The following GALNTL6 variants were observed in gnomAD, a reference collection of about 807,000 sequenced individuals.
The protein encoded by GALNTL6 is polypeptide N-acetylgalactosaminyltransferase-like 6.
Under a neutral mutation model 73.7 loss-of-function variants are expected in GALNTL6, and 46 were observed. The ratio of observed to expected loss-of-function variants is 0.62; its 90% CI spans 0.49 to 0.80. The LOEUF (loss-of-function observed/expected upper bound fraction) is 0.80. GALNTL6 is among the 30% of genes least tolerant of loss of function. GALNTL6 has a pLI of 0.00. For missense variants in GALNTL6, 604 were observed against 755.0 expected, an observed-to-expected ratio of 0.80 and a Z score of 2.34; for synonymous variants, 259 against 263.7, an observed-to-expected ratio of 0.98 and a Z score of 0.17.
intron 5 of GALNTL6, among the ~76,000 whole-genome samples, chr4:172,645,784 T>C (rs1316277242): frequency 4.6e-5 from 7 of 151,982 alleles, no homozygotes; most frequent in Admixed American, 4.6e-4. Flanking sequence ...GTCATGAAGA[T>C]GTATGATTAA....
intron 5 of GALNTL6, among the ~76,000 whole-genome samples, chr4:172,588,734 A>G (rs1300320794): frequency 6.6e-6 from 1 of 152,148 alleles, no homozygotes; most frequent in African/African-American, 2.4e-5. Context: ...AGTTTAAAAG[A>G]CTGAAGTCCA....
At chr4:172,182,688 C>T (rs560678919) in intron 2 of GALNTL6, among the ~76,000 whole-genome samples, 1 of 151,626 alleles carries the variant, frequency 6.6e-6, no homozygotes, top group African/African-American at 2.4e-5. Flanking sequence ...AAGGAAGTGC[C>T]ACAAAATTTA....
At chr4:172,203,395 G>A (rs1428178450) in intron 2 of GALNTL6, among the ~76,000 whole-genome samples, 2 of 152,054 alleles carry the variant, frequency 1.3e-5, no homozygotes, top group South Asian at 2.1e-4. Context: ...GTGTCTTTAA[G>A]GTTTTCAGTA....
At position 172,424,702 on chromosome 4, in the gene GALNTL6, G is replaced by C. The variant is rs1001846751; in HGVS notation, c.553+76013G>C. Among the ~76,000 whole-genome samples the C allele has an allele frequency of 8.6e-5, 13 of 151,922 alleles. 1 individual carries two copies. Among genetic ancestry groups the C allele is most frequent in the Admixed American group, 3.9e-4 (6 of 15,214 alleles). The stretch of plus-strand genomic sequence containing the variant: ...TTGCCCTGATATCAATATCCAACTG[G>C]CAGAGAAGCAAAGAAAGGTTTTTAT... On this transcript the variant is annotated intron_variant, in intron 5 of 12. Coordinates refer to ENST00000506823, the MANE Select transcript of GALNTL6 (RefSeq NM_001034845.3).
At chr4:172,219,388 G>C (rs1233676319) in intron 2 of GALNTL6, among the ~76,000 whole-genome samples, 1 of 151,132 alleles carries the variant, frequency 6.6e-6, no homozygotes, top group Non-Finnish European at 1.5e-5. Context: ...TTTGTTTTAT[G>C]ACCAAATGCC....
chr4:171,841,740 T>C (rs1319481284), intron 2 of GALNTL6, among the ~76,000 whole-genome samples: 3 of 152,006 alleles, frequency 2.0e-5, no homozygotes, highest in Non-Finnish European at 4.4e-5. Context: ...GTATGTAAAA[T>C]GGTTAATTCC....
intron 10 of GALNTL6, among the ~76,000 whole-genome samples, chr4:172,957,633 G>A (rs138505201): frequency 0.022 from 3,385 of 152,284 alleles, 48 homozygotes; most frequent in African/African-American, 0.026. Flanking sequence ...TTTGAGAAGC[G>A]TTTTTATTAA....
intron 2 of GALNTL6, chr4:172,052,378 C>T: frequency 8.2e-7 from 1 of 1,226,662 alleles, no homozygotes; most frequent in Non-Finnish European, 1.1e-6. Flanking sequence ...CTATGCACAC[C>T]TTCACATCCT....
At chr4:172,167,775 G>A (rs1264062068) in intron 2 of GALNTL6, among the ~76,000 whole-genome samples, 1 of 146,838 alleles carries the variant, frequency 6.8e-6, no homozygotes, top group African/African-American at 2.6e-5. Flanking sequence ...TGGCTAACAA[G>A]GTGAAACCCC....
intron 2 of GALNTL6, among the ~76,000 whole-genome samples, chr4:172,093,739 C>T (rs1201896359): frequency 1.3e-5 from 2 of 152,172 alleles, no homozygotes; most frequent in Non-Finnish European, 2.9e-5. Flanking sequence ...CTTGCACTCT[C>T]CTTGTGAGAA....
intron 2 of GALNTL6, among the ~76,000 whole-genome samples, chr4:172,011,995 T>G (rs904697313): frequency 6.6e-6 from 1 of 152,098 alleles, no homozygotes; most frequent in African/African-American, 2.4e-5. Flanking sequence ...AGTGCAAGCC[T>G]GCTTATTGAT....
chr4:172,835,364 G>A (rs1224622139), intron 7 of GALNTL6, among the ~76,000 whole-genome samples: 1 of 152,258 alleles, frequency 6.6e-6, no homozygotes, highest in Non-Finnish European at 1.5e-5. Flanking sequence ...AAAGGTGGAG[G>A]AAGATGAAGC....
chr4:172,658,175 A>ATCTTTGT (rs1731168607), intron 5 of GALNTL6, among the ~76,000 whole-genome samples: 1 of 126,322 alleles, frequency 7.9e-6, no homozygotes, highest in East Asian at 2.4e-4. Context: ...AAAAAGAAAT[A>ATCTTTGT]TCTTTGTGGG....
At chr4:171,998,346 T>G (rs1169243060) in intron 2 of GALNTL6, among the ~76,000 whole-genome samples, 1 of 152,150 alleles carries the variant, frequency 6.6e-6, no homozygotes, top group Non-Finnish European at 1.5e-5. Flanking sequence ...GCTGGCAAGG[T>G]TGGCTTCCTT....
intron 8 of GALNTL6, among the ~76,000 whole-genome samples, chr4:172,885,695 GTA>G (rs1745683641): frequency 6.6e-6 from 1 of 152,098 alleles, no homozygotes; most frequent in South Asian, 2.1e-4. Context: ...ATGTGGGTTT[GTA>G]ATATATGGCT....
chr4:172,019,224 G>A (rs1189419270), intron 2 of GALNTL6, among the ~76,000 whole-genome samples: 1 of 152,178 alleles, frequency 6.6e-6, no homozygotes, highest in East Asian at 1.9e-4. Context: ...TTTCATTCCA[G>A]GTGGGAAATG....
At chr4:172,246,217 A>T (rs1321898941) in intron 3 of GALNTL6, among the ~76,000 whole-genome samples, 1 of 152,178 alleles carries the variant, frequency 6.6e-6, no homozygotes, top group African/African-American at 2.4e-5. Flanking sequence ...ATAATGATTT[A>T]CATTTCCAGG....
intron 2 of GALNTL6, among the ~76,000 whole-genome samples, chr4:171,903,184 G>C (rs7662535): frequency 6.6e-6 from 1 of 152,010 alleles, no homozygotes; most frequent in Non-Finnish European, 1.5e-5. Context: ...AGCTCCCAGC[G>C]TGAGCGACAC....
chr4:172,800,677 T>A (rs1041299088), intron 5 of GALNTL6, among the ~76,000 whole-genome samples: 1 of 152,182 alleles, frequency 6.6e-6, no homozygotes, highest in Non-Finnish European at 1.5e-5. Flanking sequence ...AAGTACTGAA[T>A]GATTAAAAAT....
Sources: allele counts gnomAD v4.1 joint callset (sites outside exome capture counted in the v4.1 genomes callset), GRCh38; gene constraint gnomAD v4.1.1; transcripts MANE v1.5; gene names NCBI Gene and HGNC (gene_info 2026-07-23, HGNC 2026-07-21).